The following LRRIQ3 variants were observed in gnomAD, a reference collection of about 807,000 sequenced individuals.
LRRIQ3 encodes leucine rich repeats and IQ motif containing 3, also known as leucine-rich repeat and IQ domain-containing protein 3.
Under a neutral mutation model 59.3 loss-of-function variants are expected in LRRIQ3, and 75 were observed. That is an observed-to-expected ratio of 1.26 (90% confidence interval 1.05 to 1.53). The LOEUF is 1.53. LRRIQ3 is among the 40% of genes most tolerant of loss of function. LRRIQ3 has a pLI of 0.00. For missense variants in LRRIQ3, 831 were observed against 710.0 expected (o/e 1.17, Z -1.94); for synonymous variants, 250 against 231.3 (o/e 1.08, Z -0.73).
Position 74,182,032 on chromosome 1 carries a change from T to G in LRRIQ3, c.573+506A>C, listed in dbSNP as rs1650009449. 2.0e-5 allele frequency: 3 copies of G among 151,850 alleles called. No individual in the cohort carries two copies. The South Asian group carries it at 6.2e-4, about 31-fold the overall frequency. The allele number at this position is 151,850 out of a possible 1,614,324, so 9.4% of individuals were successfully genotyped here. ...GTGTTATAAAGAACGTTTCCTTATG[T>G]TTTTGTAAATCCACTTAATTAGTCT... On this transcript the variant is annotated intron_variant, in intron 3 of 7. Transcript: ENST00000354431.
intron 1 of LRRIQ3, among the ~76,000 whole-genome samples, chr1:74,189,569 C>T (rs903610785): frequency 6.6e-6 from 1 of 151,994 alleles, no homozygotes; most frequent in Admixed American, 6.6e-5. Flanking sequence ...GGGCTGTGTC[C>T]CCACCCAAAT....
intron 3 of LRRIQ3, among the ~76,000 whole-genome samples, chr1:74,179,267 G>C (rs1649835727): frequency 6.6e-6 from 1 of 151,824 alleles, no homozygotes; most frequent in South Asian, 2.1e-4. Flanking sequence ...AAGAACCCAT[G>C]CTTCCTCGTT....
rs546850460 is a variant in LRRIQ3, at chr1:74,122,407, C to T, written c.708-12854G>A. 3.8e-3 allele frequency among the ~76,000 whole-genome samples: 581 copies of T among 152,066 alleles called. 5 individuals are homozygous for T. Among genetic ancestry groups the T allele is most frequent in the African/African-American group, 0.012 (517 of 41,524 alleles). ...TTGAGAAGTGTCTGTTCATATCCTT[C>T]GCCCACTTTTTGATGGGGTTGTTTT... On this transcript the variant is annotated intron_variant, in intron 4 of 7. Transcript: ENST00000354431.
In LRRIQ3 at chr1:74,167,627, G is replaced by A. The variant is rs1189516553; in HGVS notation, c.574-11761C>T. On this transcript the variant is annotated intron_variant, in intron 3 of 7. Coordinates refer to ENST00000354431, the MANE Select transcript of LRRIQ3 (RefSeq NM_001105659.2). ...TGGGGAAAGAAGTGGTTGGGCTGGG[G>A]GTGAGAGATAAAAGACTGCATACTG... Among the ~76,000 whole-genome samples, 15 of 151,734 alleles carry A rather than the reference G, an allele frequency of 9.9e-5. No homozygotes were observed. The South Asian group carries it at 2.3e-3, about 23-fold the overall frequency.
chr1:74,152,174 T>C (rs1648033675), intron 4 of LRRIQ3, among the ~76,000 whole-genome samples: 1 of 151,722 alleles, frequency 6.6e-6, no homozygotes, highest in Non-Finnish European at 1.5e-5. Flanking sequence ...AATGCAGTGA[T>C]AGAAATGAGA....
intron 6 of LRRIQ3, among the ~76,000 whole-genome samples, chr1:74,073,287 C>A (rs184661789): frequency 6.6e-6 from 1 of 151,896 alleles, no homozygotes; most frequent in East Asian, 1.9e-4. Flanking sequence ...CCGAGGCAGG[C>A]GATTGCCTGA....
At chr1:74,162,289 T>C (rs1343818356) in intron 3 of LRRIQ3, among the ~76,000 whole-genome samples, 1 of 151,804 alleles carries the variant, frequency 6.6e-6, no homozygotes, top group Non-Finnish European at 1.5e-5. Flanking sequence ...ACTAATATAA[T>C]GTAAAATTAT....
At chr1:74,158,365 CAA>C (rs941027556) in intron 3 of LRRIQ3, among the ~76,000 whole-genome samples, 19 of 152,172 alleles carry the variant, frequency 1.2e-4, no homozygotes, top group African/African-American at 4.6e-4. Flanking sequence ...GTTTGCCACA[CAA>C]AGTCCTTCTT....
chr1:74,097,182 C>T (rs1205890079), intron 5 of LRRIQ3, among the ~76,000 whole-genome samples: 1 of 152,100 alleles, frequency 6.6e-6, no homozygotes, highest in East Asian at 1.9e-4. Context: ...AGATGAATGG[C>T]TTACTAGAAT....
chr1:74,147,841 GATGTTTTCAGCTATTATTTCATTAA>G (rs1312467954), intron 4 of LRRIQ3, among the ~76,000 whole-genome samples: 1 of 152,090 alleles, frequency 6.6e-6, no homozygotes, highest in African/African-American at 2.4e-5. Flanking sequence ...CAAGACTTAA[GATGTTTTCAGCTATTATTTCATTAA>G]ATAGGTTTTC....
chr1:74,111,436 G>A (rs1646692895), intron 4 of LRRIQ3, among the ~76,000 whole-genome samples: 1 of 151,916 alleles, frequency 6.6e-6, no homozygotes, highest in Non-Finnish European at 1.5e-5. Context: ...CATGAGATAA[G>A]ACCACATTTG....
At chr1:74,032,086 A>C (rs1653736697) in intron 7 of LRRIQ3, among the ~76,000 whole-genome samples, 1 of 151,966 alleles carries the variant, frequency 6.6e-6, no homozygotes, top group African/African-American at 2.4e-5. Context: ...ATTACAATTA[A>C]TATGCCAAGA....
chr1:74,160,563 T>C (rs1482062479), intron 3 of LRRIQ3, among the ~76,000 whole-genome samples: 1 of 152,102 alleles, frequency 6.6e-6, no homozygotes, highest in African/African-American at 2.4e-5. Flanking sequence ...CGTAATTCCA[T>C]CCTATTTATA....
intron 7 of LRRIQ3, among the ~76,000 whole-genome samples, chr1:74,027,572 T>C (rs534911220): frequency 6.6e-6 from 1 of 152,182 alleles, no homozygotes; most frequent in South Asian, 2.1e-4. Flanking sequence ...TGCTGACACT[T>C]TGTTCTTGGA....
At chr1:74,089,454 A>G (rs2100513519) in intron 5 of LRRIQ3, among the ~76,000 whole-genome samples, 1 of 152,258 alleles carries the variant, frequency 6.6e-6, no homozygotes, top group South Asian at 2.1e-4. Context: ...ACAATGGAAT[A>G]TTATTGAGCC....
At chr1:74,122,034 C>A (rs949393301) in intron 4 of LRRIQ3, among the ~76,000 whole-genome samples, 1 of 151,976 alleles carries the variant, frequency 6.6e-6, no homozygotes, top group African/African-American at 2.4e-5. Context: ...AATAGTGCCG[C>A]AATAAACATA....
chr1:74,186,945 A>C (rs1284982883), intron 1 of LRRIQ3, among the ~76,000 whole-genome samples: 1 of 151,766 alleles, frequency 6.6e-6, no homozygotes, highest in Non-Finnish European at 1.5e-5. Context: ...TGACTATTAT[A>C]AGCAAGAAAA....
intron 4 of LRRIQ3, among the ~76,000 whole-genome samples, chr1:74,116,739 C>A (rs1646781746): frequency 6.6e-6 from 1 of 151,828 alleles, no homozygotes; most frequent in Non-Finnish European, 1.5e-5. Context: ...TTAAAAGTAT[C>A]TACAAAATGC....
In LRRIQ3 at chr1:74,041,782, C is replaced by T; in HGVS notation, c.1149G>A (p.Gln383=). The part of the protein sequence containing the change: ...KKQHFFPAYP[Q]PIYTTHPKPI... ...GCTTTGGATGAGTAGTATAGATTGG[C>T]TGAGGATATGCAGGAAAAAAATGTT... Residue 383 remains glutamine, a synonymous_variant, in exon 7 of 8, where the codon CAG becomes CAA. Coordinates refer to ENST00000354431, the MANE Select transcript of LRRIQ3 (RefSeq NM_001105659.2). The T allele has an allele frequency of 6.2e-7, 1 of 1,613,606 alleles. No individual in the cohort carries two copies. Among genetic ancestry groups the T allele is most frequent in the African/African-American group, 1.3e-5 (1 of 74,996 alleles).
Sources: gnomAD v4.1 joint callset for allele counts (sites outside exome capture counted in the v4.1 genomes callset) on GRCh38, gnomAD v4.1.1 for gene constraint, MANE v1.5 for transcripts, NCBI Gene and HGNC (gene_info 2026-07-23, HGNC 2026-07-21) for gene names.